Variants in ARMC2 observed in about 807,000 individuals in gnomAD.
The protein encoded by ARMC2 is armadillo repeat containing 2.
A neutral mutation model predicts 90.3 loss-of-function variants in ARMC2; 67 were observed. The ratio of observed to expected loss-of-function variants is 0.74; its 90% CI spans 0.61 to 0.91. The LOEUF is 0.91. ARMC2 is among the 40% of genes least tolerant of loss of function. The pLI is 0.00. For synonymous variants in ARMC2, 393 were observed against 393.0 expected (o/e 1.00, Z 0.00); for missense variants, 920 against 1,030.9 (o/e 0.89, Z 1.47).
the ARMC2 span, among the ~76,000 whole-genome samples, chr6:109,017,734 C>A: frequency 1.3e-5 from 2 of 152,226 alleles, no homozygotes; most frequent in South Asian, 4.1e-4. Context: ...AGAGGGTCAT[C>A]TAGTTTACTA....
the ARMC2 span, among the ~76,000 whole-genome samples, chr6:108,984,223 G>A: frequency 6.6e-6 from 1 of 152,208 alleles, no homozygotes; most frequent in Non-Finnish European, 1.5e-5. Context: ...TGCCAAAAAG[G>A]TTGGGGACTG....
chr6:109,000,147 G>C, the ARMC2 span: 326 of 164,622 alleles, frequency 2.0e-3, 1 homozygote, highest in African/African-American at 7.3e-3. Flanking sequence ...AGGGGAAAGG[G>C]GGGGAAAGGG....
chr6:109,023,552 A>G, the ARMC2 span, among the ~76,000 whole-genome samples: 1 of 152,196 alleles, frequency 6.6e-6, no homozygotes, highest in Non-Finnish European at 1.5e-5. Flanking sequence ...CTTTTGGTCT[A>G]TGTTAAGAGT....
the ARMC2 span, among the ~76,000 whole-genome samples, chr6:109,039,630 A>C: frequency 2.0e-5 from 3 of 152,254 alleles, no homozygotes; most frequent in African/African-American, 7.2e-5. Flanking sequence ...CACTGGGATT[A>C]AAAACCAAAA....
chr6:108,885,680 AAAAAGAAAAG>A (rs574347948), intron 5 of ARMC2, among the ~76,000 whole-genome samples: 5 of 151,992 alleles, frequency 3.3e-5, no homozygotes, highest in Non-Finnish European at 5.9e-5. Flanking sequence ...TCGCAAAAAA[AAAAAGAAAAG>A]AAAAGAAAAG....
chr6:109,047,350 G>A, the ARMC2 span, among the ~76,000 whole-genome samples: 4 of 134,290 alleles, frequency 3.0e-5, no homozygotes, highest in Non-Finnish European at 5.0e-5. Context: ...AGGTGGGGGG[G>A]TCAGCCCCCT....
At chr6:108,861,871 G>C (rs1360081183) in intron 3 of ARMC2, among the ~76,000 whole-genome samples, 2 of 152,008 alleles carry the variant, frequency 1.3e-5, no homozygotes, top group Admixed American at 1.3e-4. Context: ...ACTCAGTTTG[G>C]GTTTACCCTT....
chr6:108,952,358 T>C (rs913799215), intron 12 of ARMC2, among the ~76,000 whole-genome samples: 1 of 152,242 alleles, frequency 6.6e-6, no homozygotes, highest in Non-Finnish European at 1.5e-5. Flanking sequence ...GTATGCACAA[T>C]TTAGCAAGTA....
the ARMC2 span, among the ~76,000 whole-genome samples, chr6:109,031,735 G>A: frequency 6.6e-6 from 1 of 152,106 alleles, no homozygotes; most frequent in Non-Finnish European, 1.5e-5. Context: ...AAATCCCTTG[G>A]TACATAATGG....
chr6:108,854,542 T>G (rs781782404), intron 2 of ARMC2, 57 bp downstream of exon 2: 978 of 1,492,184 alleles, frequency 6.6e-4, no homozygotes, highest in Non-Finnish European at 8.5e-4. Context: ...GGTTATACCT[T>G]CCCTTAATTC....
At chr6:108,871,396 C>A (rs954850620) in intron 4 of ARMC2, among the ~76,000 whole-genome samples, 2 of 152,084 alleles carry the variant, frequency 1.3e-5, no homozygotes, top group African/African-American at 4.8e-5. Context: ...CCCCGCAACC[C>A]GAGTCCCGTG....
intron 4 of ARMC2, among the ~76,000 whole-genome samples, chr6:108,871,464 T>C (rs1473939097): frequency 1.3e-5 from 2 of 151,848 alleles, no homozygotes; most frequent in African/African-American, 4.8e-5. Context: ...TTTGCCAAGA[T>C]GAGAGGGGCT....
intron 10 of ARMC2, among the ~76,000 whole-genome samples, chr6:108,915,208 G>T (rs1388215878): frequency 1.3e-5 from 2 of 151,956 alleles, no homozygotes; most frequent in African/African-American, 4.8e-5. Flanking sequence ...TGCCCACCTC[G>T]GCCTCCCAAA....
the ARMC2 span, chr6:109,001,219 G>T: frequency 2.3e-6 from 3 of 1,283,336 alleles, no homozygotes; most frequent in Non-Finnish European, 3.3e-6. Flanking sequence ...TGTGTTTAAA[G>T]CATTAACTGT....
At chr6:108,939,063 A>G (rs540751056) in intron 12 of ARMC2, among the ~76,000 whole-genome samples, 1 of 152,184 alleles carries the variant, frequency 6.6e-6, no homozygotes, top group East Asian at 1.9e-4. Context: ...AAGCAATCCT[A>G]CCACTTCAGC....
the ARMC2 span, among the ~76,000 whole-genome samples, chr6:108,995,523 C>T: frequency 5.3e-5 from 8 of 152,196 alleles, no homozygotes. Context: ...AGTGGTTTTG[C>T]ACTAGTCAAA....
intron 3 of ARMC2, among the ~76,000 whole-genome samples, chr6:108,859,159 A>G (rs1314266485): frequency 1.3e-5 from 2 of 152,104 alleles, no homozygotes; most frequent in Non-Finnish European, 2.9e-5. Context: ...TTTCAACCCC[A>G]AACTCTTCCC....
intron 17 of ARMC2, among the ~76,000 whole-genome samples, chr6:108,969,558 G>A (rs147338128): frequency 6.6e-6 from 1 of 152,292 alleles, no homozygotes; most frequent in Non-Finnish European, 1.5e-5. Flanking sequence ...TTAGTTGGTT[G>A]TGACCAGCAT....
At chr6:108,939,034 G>T (rs1250924503) in intron 12 of ARMC2, among the ~76,000 whole-genome samples, 5 of 151,950 alleles carry the variant, frequency 3.3e-5, no homozygotes, top group African/African-American at 9.7e-5. Context: ...GCCCAGGCTG[G>T]CCTGGAGCTC....
Sources: allele counts gnomAD v4.1 joint callset (sites outside exome capture counted in the v4.1 genomes callset), GRCh38; gene constraint gnomAD v4.1.1; transcripts MANE v1.5; gene names NCBI Gene and HGNC (gene_info 2026-07-23, HGNC 2026-07-21).